The following RETREG3 variants were observed in gnomAD, a reference collection of about 807,000 sequenced individuals.
RETREG3 encodes the protein reticulophagy regulator 3.
A neutral mutation model predicts 50.2 loss-of-function variants in RETREG3; 23 were observed. The ratio of observed to expected loss-of-function variants is 0.46; its 90% CI spans 0.33 to 0.65. The LOEUF (loss-of-function observed/expected upper bound fraction) is 0.65. Among genes scored for constraint, RETREG3 ranks in the 30% least tolerant of loss-of-function variants. The pLI, the probability that RETREG3 is intolerant of heterozygous loss-of-function variation, is 0.02. For missense variants in RETREG3, 546 were observed against 598.0 expected (o/e 0.91, Z 0.91); for synonymous variants, 240 against 234.4 (o/e 1.02, Z -0.22).
intron 1 of RETREG3, among the ~76,000 whole-genome samples, chr17:42,594,500 G>C (rs541476977): frequency 6.6e-6 from 1 of 151,886 alleles, no homozygotes. Context: ...GTTGCAGTGA[G>C]CTGAGATCGC....
At chr17:42,591,966 A>G (rs749151971) in intron 2 of RETREG3, 90 bp downstream of exon 2, 104 of 1,134,156 alleles carry the variant, frequency 9.2e-5, no homozygotes, top group Admixed American at 1.7e-4. Flanking sequence ...CCAGCTCCAT[A>G]CACCTCCTCA....
chr17:42,589,938 C>T (rs939474915), intron 2 of RETREG3, among the ~76,000 whole-genome samples: 1 of 152,176 alleles, frequency 6.6e-6, no homozygotes, highest in African/African-American at 2.4e-5. Flanking sequence ...TGGTGGCCCA[C>T]GCAGGTAATC....
intron 1 of RETREG3, among the ~76,000 whole-genome samples, chr17:42,605,891 T>C (rs995685673): frequency 2.1e-5 from 3 of 145,010 alleles, no homozygotes; most frequent in Non-Finnish European, 4.5e-5. Context: ...CTCGGGAGGC[T>C]GGGGTGGGAG....
Position 42,585,966 on chromosome 17 carries a change from C to A in RETREG3, c.589+87G>T, listed in dbSNP as rs2143378105. The A allele has an allele frequency of 3.3e-6, 4 of 1,204,328 alleles. No homozygotes were observed. In the South Asian group the frequency reaches 4.9e-5, roughly 15 times the overall value. The allele number at this position is 1,204,328 out of a possible 1,614,324, so 74.6% of individuals were successfully genotyped here. Reference sequence around the variant, plus strand: ...CATATCCTAGAGAATTGAAATATAACAGTCCTCTCCCCACACCTAGAGTTA... The same window carrying A: ...CATATCCTAGAGAATTGAAATATAAAAGTCCTCTCCCCACACCTAGAGTTA... On this transcript the variant is annotated intron_variant, in intron 5 of 8. Transcript: ENST00000309428.
chr17:42,591,743 A>G (rs991839001), intron 2 of RETREG3, among the ~76,000 whole-genome samples: 1 of 152,238 alleles, frequency 6.6e-6, no homozygotes, highest in Non-Finnish European at 1.5e-5. Flanking sequence ...ATAAAGATGC[A>G]GTGTCCAATA....
At chr17:42,585,324 C>A in intron 5 of RETREG3, 62 bp from the exon 6 acceptor site, 2 of 1,591,778 alleles carry the variant, frequency 1.3e-6, no homozygotes, top group Non-Finnish European at 1.7e-6. Flanking sequence ...ACATTCCCAA[C>A]TGTAGCGCTG....
intron 1 of RETREG3, among the ~76,000 whole-genome samples, chr17:42,597,342 C>T (rs986378154): frequency 1.3e-4 from 19 of 149,772 alleles, no homozygotes; most frequent in African/African-American, 4.7e-4. Flanking sequence ...GCATGCACCG[C>T]TACGCCCAGC....
rs753370219 is a variant in RETREG3, at chr17:42,582,736, C to T, written c.881G>A (p.Cys294Tyr). Reference sequence around the variant, plus strand: ...AAGATTGAATGTGCCATTGTCTGTACAGGAGACTTCAGCGTCTGAGTGCTC... The same window carrying T: ...AAGATTGAATGTGCCATTGTCTGTATAGGAGACTTCAGCGTCTGAGTGCTC... ...DSEHSDAEVS[C>Y]TDNGTFNLSR... The change falls in exon 8 of 9, where the codon TGT (cysteine) becomes TAT (tyrosine). Residue 294 changes from cysteine (C) to tyrosine (Y), a missense_variant. Transcript: ENST00000309428. 1.9e-6 allele frequency: 3 copies of T among 1,614,226 alleles called. No individual in the cohort carries two copies. The highest frequency in any genetic ancestry group is 2.2e-5 in the East Asian group (1 of 44,880).
intron 1 of RETREG3, 93 bp from the exon 2 acceptor site, chr17:42,592,255 A>C: frequency 1.0e-6 from 1 of 969,232 alleles, no homozygotes; most frequent in Non-Finnish European, 1.5e-6. Flanking sequence ...TGTGGTAAAC[A>C]GACTTGAGGT....
At chr17:42,587,597 G>T in intron 3 of RETREG3, 1 of 507,096 alleles carries the variant, frequency 2.0e-6, no homozygotes. Context: ...GGCATGTCAG[G>T]TTATGGGGCA....
At chr17:42,588,190 C>T (rs1356401156) in intron 2 of RETREG3, among the ~76,000 whole-genome samples, 1 of 152,212 alleles carries the variant, frequency 6.6e-6, no homozygotes, top group Non-Finnish European at 1.5e-5. Context: ...GATACCCATA[C>T]ACATCAATCT....
chr17:42,599,686 T>C (rs982668489), intron 1 of RETREG3, among the ~76,000 whole-genome samples: 1 of 143,504 alleles, frequency 7.0e-6, no homozygotes, highest in Admixed American at 7.1e-5. Context: ...ACAACTAACA[T>C]GAATTCATGT....
At chr17:42,584,828 A>C (rs1038375817) in intron 6 of RETREG3, among the ~76,000 whole-genome samples, 4 of 151,780 alleles carry the variant, frequency 2.6e-5, no homozygotes, top group Admixed American at 6.6e-5. Flanking sequence ...AAAAAAAAAA[A>C]AAAAAAAAAC....
intron 2 of RETREG3, among the ~76,000 whole-genome samples, chr17:42,591,474 G>A (rs567974705): frequency 7.4e-4 from 112 of 152,112 alleles, no homozygotes; most frequent in African/African-American, 2.6e-3. Flanking sequence ...CTTAGTGGCT[G>A]AGATTACAGG....
intron 1 of RETREG3, among the ~76,000 whole-genome samples, chr17:42,593,445 C>T (rs866194242): frequency 2.0e-5 from 3 of 151,726 alleles, no homozygotes; most frequent in East Asian, 1.9e-4. Flanking sequence ...GTCAGGAGAT[C>T]GAGACCATCC....
intron 1 of RETREG3, chr17:42,596,552 C>T (rs143671952): frequency 6.6e-6 from 1 of 152,078 alleles, no homozygotes; most frequent in African/African-American, 2.4e-5. Flanking sequence ...CTCTAAAGTA[C>T]TTCATCTTCA....
At position 42,581,855 on chromosome 17, in the gene RETREG3, C is replaced by T. The variant is rs373567501; in HGVS notation, c.1359G>A (p.Ser453=). 2.8e-5 allele frequency: 45 copies of T among 1,608,244 alleles called. No homozygotes were observed. The highest frequency in any genetic ancestry group is 3.5e-5 in the Non-Finnish European group (41 of 1,175,996). The stretch of plus-strand genomic sequence containing the variant: ...TGGCAGGGTCCAGCTGACTCAGCTC[C>T]GACTGGTCCAGAAGTTCAAAGTCAT... The part of the protein sequence containing the change: ...EGDDFELLDQ[S]ELSQLDPASS... Residue 453 remains serine, a synonymous_variant, in exon 9 of 9, where the codon TCG becomes TCA. Coordinates refer to ENST00000309428, the MANE Select transcript of RETREG3 (RefSeq NM_178126.4).
chr17:42,583,512 C>T lies in RETREG3; in HGVS notation c.796G>A (p.Ala266Thr), dbSNP rs2093114498. 2 of 1,613,536 alleles carry T rather than the reference C, an allele frequency of 1.2e-6. No individual in the cohort carries two copies. Among genetic ancestry groups the T allele is most frequent in the Middle Eastern group, 1.6e-4 (1 of 6,076 alleles). The stretch of plus-strand genomic sequence containing the variant: ...ACTCAAGATACCTGAGGACAGAAGG[C>T]AGCAAGCTCCTCTTCGCTGTCACTG... Reference protein sequence around the residue: ...NHSDSEEELAAFCPQLDDSTV... With the variant: ...NHSDSEEELATFCPQLDDSTV... The change falls in exon 7 of 9, where the codon GCC becomes ACC. Residue 266 changes from alanine to threonine, a missense_variant. Transcript: ENST00000309428.
chr17:42,592,882 G>C (rs1361904198), intron 1 of RETREG3, among the ~76,000 whole-genome samples: 1 of 152,126 alleles, frequency 6.6e-6, no homozygotes, highest in Non-Finnish European at 1.5e-5. Flanking sequence ...AACTACCTGG[G>C]AGGCTGAAGC....
Sources: allele counts gnomAD v4.1 joint callset (sites outside exome capture counted in the v4.1 genomes callset), GRCh38; gene constraint gnomAD v4.1.1; transcripts MANE v1.5; gene names NCBI Gene and HGNC (gene_info 2026-07-23, HGNC 2026-07-21).